CSMD1: variants seen among roughly 807,000 people sequenced by gnomAD.
CSMD1 encodes the protein CUB and sushi domain-containing protein 1.
In CSMD1, 213 loss-of-function variants were observed where a neutral mutation model predicts 417.5. That is an observed-to-expected ratio of 0.51 (90% CI 0.46 to 0.57). CSMD1 has a LOEUF of 0.57. Ranked by LOEUF, CSMD1 falls within the 20% of genes least tolerant of loss-of-function variation. The pLI is 0.00. For synonymous variants in CSMD1, 2,862 were observed against 1,736.8 expected (o/e 1.65, Z -16.11); for missense variants, 6,923 against 4,529.7 (o/e 1.53, Z -15.17).
At chr8:4,923,920 T>C (rs1442184234) in intron 1 of CSMD1, among the ~76,000 whole-genome samples, 1 of 152,222 alleles carries the variant, frequency 6.6e-6, no homozygotes, top group Non-Finnish European at 1.5e-5. Context: ...TTGGGTTCTA[T>C]GGAGGAAAGA....
chr8:3,492,437 A>G (rs376416427), intron 11 of CSMD1, among the ~76,000 whole-genome samples: 1 of 152,218 alleles, frequency 6.6e-6, no homozygotes, highest in Non-Finnish European at 1.5e-5. Flanking sequence ...AAGCAAGGTG[A>G]ACACCTGCAG....
chr8:4,062,630 T>A (rs114308399), intron 3 of CSMD1, among the ~76,000 whole-genome samples: 5 of 152,132 alleles, frequency 3.3e-5, no homozygotes, highest in Non-Finnish European at 1.5e-5. Flanking sequence ...ACAGCACTTA[T>A]TAGATTTCAA....
intron 3 of CSMD1, among the ~76,000 whole-genome samples, chr8:4,289,197 C>T (rs1038683651): frequency 6.6e-6 from 1 of 152,152 alleles, no homozygotes; most frequent in Non-Finnish European, 1.5e-5. Context: ...GACAAATACT[C>T]TTTACCAGTT....
intron 3 of CSMD1, among the ~76,000 whole-genome samples, chr8:4,142,566 A>T (rs545469060): frequency 6.6e-6 from 1 of 151,394 alleles, no homozygotes; most frequent in South Asian, 2.1e-4. Flanking sequence ...GACCATTTTT[A>T]TTATATGGTA....
At chr8:4,953,022 G>A (rs377014147) in intron 1 of CSMD1, among the ~76,000 whole-genome samples, 1 of 151,962 alleles carries the variant, frequency 6.6e-6, no homozygotes, top group East Asian at 1.9e-4. Flanking sequence ...TTTTCCACAT[G>A]TGAGATGAGA....
chr8:4,057,371 G>T (rs1292516010), intron 3 of CSMD1, among the ~76,000 whole-genome samples: 1 of 150,122 alleles, frequency 6.7e-6, no homozygotes, highest in African/African-American at 2.4e-5. Flanking sequence ...CCTACTTTTT[G>T]ATGGGGTTAT....
rs115304244 is a variant in CSMD1 at position 4,031,008 on chromosome 8, C to T, written c.610+897G>A. On this transcript the variant is annotated intron_variant, in intron 4 of 69. Transcript: ENST00000635120. Reference sequence around the variant, plus strand: ...CAAGTTTCTCATCTCCATCCGAGACCACCTCAGCCAGGATTTCATTGTCCA... The same window carrying T: ...CAAGTTTCTCATCTCCATCCGAGACTACCTCAGCCAGGATTTCATTGTCCA... Among the ~76,000 whole-genome samples the T allele has an allele frequency of 6.9e-3, 1,054 of 152,254 alleles. 10 individuals are homozygous for T. The highest frequency in any genetic ancestry group is 0.016 in the African/African-American group (677 of 41,546).
intron 26 of CSMD1, among the ~76,000 whole-genome samples, chr8:3,240,968 G>C (rs1005350390): frequency 1.5e-4 from 22 of 151,714 alleles, no homozygotes; most frequent in Non-Finnish European, 2.5e-4. Context: ...TATTGGCATT[G>C]AGCAGGGTAA....
At chr8:4,211,235 C>A (rs1800292287) in intron 3 of CSMD1, among the ~76,000 whole-genome samples, 1 of 151,692 alleles carries the variant, frequency 6.6e-6, no homozygotes. Flanking sequence ...AAATTAAGCA[C>A]CTCAGATAGG....
At chr8:3,396,447 C>T (rs1294729037) in intron 16 of CSMD1, 66 bp from the exon 17 acceptor site, 3 of 1,140,320 alleles carry the variant, frequency 2.6e-6, no homozygotes, top group Middle Eastern at 2.2e-4. Flanking sequence ...GTGCTCCTGA[C>T]ATCCTCATTC....
At chr8:3,020,859 C>T (rs1245879865) in intron 51 of CSMD1, among the ~76,000 whole-genome samples, 2 of 152,208 alleles carry the variant, frequency 1.3e-5, no homozygotes, top group African/African-American at 4.8e-5. Context: ...TAAACTATTA[C>T]AGTGTCATAT....
At chr8:3,788,917 G>C (rs545094864) in intron 5 of CSMD1, among the ~76,000 whole-genome samples, 28 of 152,288 alleles carry the variant, frequency 1.8e-4, no homozygotes, top group Admixed American at 3.3e-4. Context: ...AAGGGACTTA[G>C]GCTATGGGTA....
intron 2 of CSMD1, among the ~76,000 whole-genome samples, chr8:4,500,555 C>A (rs1646259129): frequency 6.6e-6 from 1 of 152,072 alleles, no homozygotes; most frequent in Non-Finnish European, 1.5e-5. Context: ...TTGGGTGCCA[C>A]AGACTGTTAC....
intron 2 of CSMD1, among the ~76,000 whole-genome samples, chr8:4,606,401 G>T (rs1300468121): frequency 1.3e-5 from 2 of 152,086 alleles, no homozygotes; most frequent in Non-Finnish European, 2.9e-5. Context: ...GAGGCTTCTT[G>T]CTTGTTCCTG....
At chr8:4,327,435 G>A (rs930154344) in intron 3 of CSMD1, among the ~76,000 whole-genome samples, 4 of 152,114 alleles carry the variant, frequency 2.6e-5, no homozygotes, top group Non-Finnish European at 4.4e-5. Flanking sequence ...ACAATCAGTC[G>A]GATTGTTTGC....
chr8:4,151,902 G>C (rs1215899843), intron 3 of CSMD1, among the ~76,000 whole-genome samples: 1 of 152,176 alleles, frequency 6.6e-6, no homozygotes, highest in African/African-American at 2.4e-5. Context: ...GGGCAGAGAA[G>C]TCCATTTGTC....
intron 3 of CSMD1, among the ~76,000 whole-genome samples, chr8:4,048,866 A>G (rs984577020): frequency 6.6e-6 from 1 of 152,350 alleles, no homozygotes; most frequent in African/African-American, 2.4e-5. Flanking sequence ...CAGATAGATC[A>G]AGCTCATTTT....
chr8:4,154,494 A>G (rs985143929), intron 3 of CSMD1, among the ~76,000 whole-genome samples: 1 of 152,188 alleles, frequency 6.6e-6, no homozygotes, highest in African/African-American at 2.4e-5. Context: ...CCCCAAGTTC[A>G]AAACTGTGTG....
chr8:2,950,593 C>T (rs1286500164), intron 66 of CSMD1, among the ~76,000 whole-genome samples: 2 of 152,134 alleles, frequency 1.3e-5, no homozygotes, highest in East Asian at 3.9e-4. Context: ...CCTTATTCCA[C>T]AGAAAGAATA....
Sources: gnomAD v4.1 joint callset for allele counts (sites outside exome capture counted in the v4.1 genomes callset) on GRCh38, gnomAD v4.1.1 for gene constraint, MANE v1.5 for transcripts, NCBI Gene and HGNC (gene_info 2026-07-23, HGNC 2026-07-21) for gene names.